Variants in SLC49A3 observed in about 807,000 individuals in gnomAD.
SLC49A3 encodes the protein solute carrier family 49 member A3.
Under a neutral mutation model 43.8 loss-of-function variants are expected in SLC49A3, and 50 were observed. The ratio of observed to expected loss-of-function variants is 1.14; its 90% CI spans 0.91 to 1.45. The LOEUF (loss-of-function observed/expected upper bound fraction) is 1.45. Ranked by LOEUF, SLC49A3 falls within the 40% of genes most tolerant of loss-of-function variation. SLC49A3 has a pLI of 0.00. For synonymous variants in SLC49A3, 413 were observed against 352.0 expected (o/e 1.17, Z -1.94); for missense variants, 906 against 774.1 (o/e 1.17, Z -2.02).
In SLC49A3 at chr4:683,705, C is replaced by T. The variant is rs746420923; in HGVS notation, c.897G>A (p.Leu299=). The T allele has an allele frequency of 3.1e-6, 5 of 1,597,298 alleles. No homozygotes were observed. The Admixed American group carries it at 8.7e-5, about 28-fold the overall frequency. The part of the protein sequence containing the change: ...LFITFGILGA[L]ALGPYVDRTK... Reference sequence around the variant, plus strand: ...TCCGGTCCACATAGGGGCCGAGAGCCAGTGCCCCCAGGATCCCAAACGTGA... The same window carrying T: ...TCCGGTCCACATAGGGGCCGAGAGCTAGTGCCCCCAGGATCCCAAACGTGA... Residue 299 remains leucine (L), a synonymous_variant, in exon 7 of 10, where the codon CTG becomes CTA. Transcript: ENST00000322224.
At chr4:679,091 C>G (rs766021820), downstream of SLC49A3, 56 of 1,404,008 alleles carry the variant, frequency 4.0e-5, no homozygotes, top group Middle Eastern at 1.3e-3. Flanking sequence ...CAGAGGTCCT[C>G]CAGCTCCAGA....
chr4:678,674 A>C, downstream of SLC49A3: 1 of 1,609,768 alleles, frequency 6.2e-7, no homozygotes, highest in South Asian at 1.1e-5. Context: ...AGGAAGACCA[A>C]GAAGAAGGAA....
At position 683,754 on chromosome 4, in the gene SLC49A3, G is replaced by C; in HGVS notation, c.848C>G (p.Ser283Cys). Reference protein sequence around the residue: ...LCASGHSSGFSGLCGALFITF... With the variant: ...LCASGHSSGFCGLCGALFITF... ...GATGAAGAGAGCGCCACAGAGGCCG[G>C]AAAACCCCTGGAGGAGGCGAGAAGA... The change falls in exon 7 of 10, where the codon TCC (serine) becomes TGC (cysteine). Residue 283 changes from serine to cysteine, a missense_variant. By Grantham distance (112) the Ser-to-Cys change is moderately radical. Coordinates refer to ENST00000322224, the MANE Select transcript of SLC49A3 (RefSeq NM_032219.4). The C allele has an allele frequency of 1.9e-6, 3 of 1,564,554 alleles. No individual in the cohort carries two copies. Among genetic ancestry groups the C allele is most frequent in the African/African-American group, 1.4e-5 (1 of 73,934 alleles).
At chr4:684,112 C>T (rs1409352795) in intron 6 of SLC49A3, among the ~76,000 whole-genome samples, 1 of 152,204 alleles carries the variant, frequency 6.6e-6, no homozygotes, top group East Asian at 1.9e-4. Flanking sequence ...GATATGCGAG[C>T]AGAGCAAGGC....
intron 6 of SLC49A3, among the ~76,000 whole-genome samples, chr4:684,083 GGCAGAGGGCCAGCTCGGAGATATGCGA>G (rs1454990143): frequency 6.6e-6 from 1 of 152,228 alleles, no homozygotes; most frequent in Non-Finnish European, 1.5e-5. Context: ...GAAGGCAGAG[GGCAGAGGGCCAGCTCGGAGATATGCGA>G]GCAGAGCAAG....
At chr4:677,043 C>A (rs2109320717), downstream of SLC49A3, 2 of 450,106 alleles carry the variant, frequency 4.4e-6, no homozygotes, top group Admixed American at 6.4e-5. Flanking sequence ...CGGTGGCGCC[C>A]CCAGGGATCC....
rs776855013 is a variant in SLC49A3 at position 683,651 on chromosome 4, A to C, written c.951T>G (p.Ile317Met). Reference protein sequence around the residue: ...RTKHFTEATKIGLCLFSLACV... With the variant: ...RTKHFTEATKMGLCLFSLACV... ...AGGCCAGAGAGAACAGGCACAGGCC[A>C]ATCTTGGTGGCCTCAGTGAAGTGCT... is the stretch of plus-strand genomic sequence containing the variant. The change falls in exon 7 of 10, where the codon ATT becomes ATG. Residue 317 changes from isoleucine to methionine, a missense_variant. Coordinates refer to ENST00000322224, the MANE Select transcript of SLC49A3 (RefSeq NM_032219.4). 6.3e-7 allele frequency: 1 copy of C among 1,590,242 alleles called. No individual in the cohort carries two copies. Among genetic ancestry groups the C allele is most frequent in the Non-Finnish European group, 8.6e-7 (1 of 1,167,422 alleles).
chr4:680,474 C>G (rs781265662), downstream of SLC49A3: 2 of 1,610,326 alleles, frequency 1.2e-6, no homozygotes, highest in South Asian at 1.1e-5. Flanking sequence ...GACTGCCACC[C>G]TGACGGCCCT....
chr4:683,676 T>C lies in SLC49A3; in HGVS notation c.926A>G (p.Lys309Arg), dbSNP rs750388306. Residue 309 changes from lysine to arginine, a missense_variant, in exon 7 of 10, where the codon AAG (lysine) becomes AGG (arginine). By Grantham distance (26) the Lys-to-Arg change is conservative (BLOSUM62 2). Transcript: ENST00000322224. Reference sequence around the variant, plus strand: ...AATCTTGGTGGCCTCAGTGAAGTGCTTGGTCCGGTCCACATAGGGGCCGAG... The same window carrying C: ...AATCTTGGTGGCCTCAGTGAAGTGCCTGGTCCGGTCCACATAGGGGCCGAG... ...LALGPYVDRT[K>R]HFTEATKIGL... 6.2e-7 allele frequency: 1 copy of C among 1,610,178 alleles called. No individual in the cohort carries two copies. Among genetic ancestry groups the C allele is most frequent in the African/African-American group, 1.3e-5 (1 of 74,876 alleles).
chr4:679,066 T>G, downstream of SLC49A3: 3 of 1,564,168 alleles, frequency 1.9e-6, no homozygotes, highest in Non-Finnish European at 2.6e-6. Context: ...TCAGAGCCCT[T>G]GGAGGAGGCG....
At chr4:679,321 C>T (rs1007146298), downstream of SLC49A3, 31 of 565,606 alleles carry the variant, frequency 5.5e-5, no homozygotes, top group East Asian at 2.2e-4. Flanking sequence ...TCTGGTAGGA[C>T]GCCACAGGCA....
At chr4:679,102 C>A, downstream of SLC49A3, 3 of 1,294,098 alleles carry the variant, frequency 2.3e-6, no homozygotes, top group Admixed American at 4.1e-5. Context: ...CAGCTCCAGA[C>A]GCCGCGGCCC....
At chr4:690,119 T>G (rs1372139796), upstream of SLC49A3, among the ~76,000 whole-genome samples, 8 of 152,224 alleles carry the variant, frequency 5.3e-5, no homozygotes, top group Non-Finnish European at 2.9e-5. Flanking sequence ...TTTCCACACC[T>G]GAGTCTGAAC....
At chr4:680,482 C>T (rs970028455), downstream of SLC49A3, 2 of 1,612,636 alleles carry the variant, frequency 1.2e-6, no homozygotes, top group Admixed American at 1.7e-5. Context: ...CCCTGACGGC[C>T]CTGGGCTGAA....
downstream of SLC49A3, chr4:680,506 C>G (rs1244363910): frequency 1.2e-6 from 2 of 1,613,254 alleles, no homozygotes; most frequent in Non-Finnish European, 1.7e-6. Context: ...GCCTTTGTGG[C>G]AGGTACCGAC....
chr4:691,222 G>A (rs552998752), upstream of SLC49A3, among the ~76,000 whole-genome samples: 26 of 149,098 alleles, frequency 1.7e-4, no homozygotes, highest in African/African-American at 6.4e-4. Context: ...AGCAGAGGTT[G>A]CAGTGAGCTG....
rs1260050993 is a variant in SLC49A3, at chr4:686,194, G to A, written c.403C>T (p.Leu135Phe). ...PFAFLMGGQSLCALAQSLVIF... is the reference protein window; with the variant it reads ...PFAFLMGGQSFCALAQSLVIF... ...ACCAGGCTCTGGGCAAGGGCACAGA[G>A]GCTCTGGCCACCCATGAGGAAGGCA... Residue 135 changes from leucine (L) to phenylalanine (F), a missense_variant, in exon 3 of 10, where the codon CTC becomes TTC. Leu to Phe is a conservative substitution (Grantham distance 22, BLOSUM62 0). Transcript: ENST00000322224. 1 of 1,613,562 alleles carries A rather than the reference G, an allele frequency of 6.2e-7. No individual in the cohort carries two copies. The highest frequency in any genetic ancestry group is 8.5e-7 in the Non-Finnish European group (1 of 1,180,026).
rs779157302 is a variant in SLC49A3 at position 686,521 on chromosome 4, G to A, written c.294+11C>T. ...GTCCCGGAGCGGGCCATGGTGTGGG[G>A]TCTGACTCACCGCCGCACGGAGCCC... On this transcript the variant is annotated intron_variant, in intron 2 of 9. Transcript: ENST00000322224. The A allele has an allele frequency of 6.2e-7, 1 of 1,610,872 alleles. No individual in the cohort carries two copies. The highest frequency in any genetic ancestry group is 8.5e-7 in the Non-Finnish European group (1 of 1,179,180).
downstream of SLC49A3, chr4:678,534 G>GC (rs1309913072): frequency 1.4e-6 from 2 of 1,462,708 alleles, no homozygotes; most frequent in Non-Finnish European, 9.0e-7. Context: ...CAGCTGTCTG[G>GC]CCCCCTCCAG....
Sources: gnomAD v4.1 joint callset for allele counts (sites outside exome capture counted in the v4.1 genomes callset) on GRCh38, gnomAD v4.1.1 for gene constraint, MANE v1.5 for transcripts, NCBI Gene and HGNC (gene_info 2026-07-23, HGNC 2026-07-21) for gene names.